AKAP6: variants seen among roughly 807,000 people sequenced by gnomAD.
AKAP6 encodes A-kinase anchoring protein 6.
In AKAP6, 58 loss-of-function variants were observed where a neutral mutation model predicts 188.5. The ratio of observed to expected loss-of-function variants is 0.31; its 90% confidence interval spans 0.25 to 0.38. AKAP6 has a LOEUF of 0.38. AKAP6 is among the 10% of genes least tolerant of loss of function. AKAP6 has a pLI of 1.00. For synonymous variants in AKAP6, 989 were observed against 998.6 expected (o/e 0.99, Z 0.18); for missense variants, 2,710 against 2,740.0 (o/e 0.99, Z 0.24).
chr14:32,566,400 G>A (rs1166096278), intron 4 of AKAP6, among the ~76,000 whole-genome samples: 3 of 151,962 alleles, frequency 2.0e-5, no homozygotes, highest in Non-Finnish European at 4.4e-5. Context: ...GCTCAAAGAA[G>A]CAAAAACTTT....
chr14:32,376,750 G>A (rs970025481), intron 1 of AKAP6, among the ~76,000 whole-genome samples: 4 of 152,132 alleles, frequency 2.6e-5, no homozygotes, highest in Non-Finnish European at 4.4e-5. Context: ...AGGCTGGAGT[G>A]CAGTGGCGCC....
chr14:32,398,439 A>T (rs563754078), intron 1 of AKAP6, among the ~76,000 whole-genome samples: 2 of 152,316 alleles, frequency 1.3e-5, no homozygotes, highest in South Asian at 4.1e-4. Flanking sequence ...TGATTCATAC[A>T]TGCTGGAAAT....
chr14:32,587,366 G>A (rs1885297977), intron 5 of AKAP6, among the ~76,000 whole-genome samples: 1 of 152,150 alleles, frequency 6.6e-6, no homozygotes, highest in Non-Finnish European at 1.5e-5. Context: ...AGGAATCAAA[G>A]GTTAGGCAGA....
intron 1 of AKAP6, among the ~76,000 whole-genome samples, chr14:32,343,369 C>T (rs1416770760): frequency 6.6e-6 from 1 of 151,932 alleles, no homozygotes; most frequent in Admixed American, 6.6e-5. Flanking sequence ...GGTGGTCAGC[C>T]TGCCTTGCCC....
chr14:32,600,874 C>A, intron 7 of AKAP6, 82 bp downstream of exon 7: 1 of 1,353,734 alleles, frequency 7.4e-7, no homozygotes, highest in Non-Finnish European at 9.9e-7. Flanking sequence ...TCTTTCCAAC[C>A]CTAAGGCTTT....
intron 2 of AKAP6, 146 bp downstream of exon 2, chr14:32,433,963 C>A (rs2138709775): frequency 1.4e-6 from 1 of 708,778 alleles, no homozygotes. Flanking sequence ...TAGAGATAAA[C>A]ATGGAAATAA....
At chr14:32,825,609 AGAT>A (rs752090801) in intron 13 of AKAP6, among the ~76,000 whole-genome samples, 3 of 152,196 alleles carry the variant, frequency 2.0e-5, no homozygotes, top group Non-Finnish European at 2.9e-5. Flanking sequence ...GATAATTCCA[AGAT>A]GATGATATGT....
chr14:32,648,293 A>G (rs1888066664), intron 7 of AKAP6, among the ~76,000 whole-genome samples: 1 of 152,112 alleles, frequency 6.6e-6, no homozygotes, highest in Non-Finnish European at 1.5e-5. Flanking sequence ...TTCTGTTTCT[A>G]TTGGTTGTCT....
At chr14:32,380,317 TGTA>T (rs1212527705) in intron 1 of AKAP6, among the ~76,000 whole-genome samples, 1 of 152,172 alleles carries the variant, frequency 6.6e-6, no homozygotes, top group Non-Finnish European at 1.5e-5. Context: ...TTTCCTTACT[TGTA>T]GTACATGATC....
intron 2 of AKAP6, among the ~76,000 whole-genome samples, chr14:32,535,074 G>A (rs1215929164): frequency 1.3e-5 from 2 of 150,658 alleles, no homozygotes; most frequent in Non-Finnish European, 2.9e-5. Context: ...CAAATACCCC[G>A]TAGTTCATTG....
At chr14:32,437,880 G>A (rs1957014) in intron 2 of AKAP6, among the ~76,000 whole-genome samples, 34,792 of 152,088 alleles carry the variant, frequency 0.23, 5,050 homozygotes, top group Middle Eastern at 0.33. Flanking sequence ...CATTACAGGC[G>A]TGGCCTTTAT....
At chr14:32,338,227 T>C (rs1252026113) in intron 1 of AKAP6, among the ~76,000 whole-genome samples, 1 of 152,202 alleles carries the variant, frequency 6.6e-6, no homozygotes, top group African/African-American at 2.4e-5. Flanking sequence ...TTTGGTATGA[T>C]GTTTTTCTCT....
At chr14:32,628,216 G>C (rs1887106316) in intron 7 of AKAP6, 1 of 152,088 alleles carries the variant, frequency 6.6e-6, no homozygotes, top group Non-Finnish European at 1.5e-5. Flanking sequence ...CAGTTATCTG[G>C]TGGTAATGAC....
chr14:32,779,046 G>C (rs11625576), intron 12 of AKAP6, among the ~76,000 whole-genome samples: 148,774 of 152,132 alleles, frequency 0.98, 72,832 homozygotes, highest in East Asian at 1. Context: ...AATTAAAAAG[G>C]AACAATGATC....
intron 11 of AKAP6, among the ~76,000 whole-genome samples, chr14:32,759,545 TAAAG>T (rs1467198916): frequency 6.6e-6 from 1 of 152,164 alleles, no homozygotes; most frequent in East Asian, 1.9e-4. Flanking sequence ...TGCATTGCTA[TAAAG>T]AGATACCTGA....
At chr14:32,686,376 GA>G (rs1195564319) in intron 8 of AKAP6, among the ~76,000 whole-genome samples, 1 of 152,136 alleles carries the variant, frequency 6.6e-6, no homozygotes, top group Non-Finnish European at 1.5e-5. Flanking sequence ...CCTAGCGCTT[GA>G]TAGCACAACA....
intron 2 of AKAP6, among the ~76,000 whole-genome samples, chr14:32,529,155 A>C (rs1882280172): frequency 6.6e-6 from 1 of 152,126 alleles, no homozygotes; most frequent in African/African-American, 2.4e-5. Context: ...CTTTCATCAG[A>C]GTTTGCAGTT....
chr14:32,528,753 C>T (rs1882257833), intron 2 of AKAP6, among the ~76,000 whole-genome samples: 1 of 152,146 alleles, frequency 6.6e-6, no homozygotes, highest in South Asian at 2.1e-4. Context: ...TCTCGGCTCA[C>T]TGCAACCTCT....
At chr14:32,511,086 C>G (rs907493415) in intron 2 of AKAP6, among the ~76,000 whole-genome samples, 2 of 152,178 alleles carry the variant, frequency 1.3e-5, no homozygotes, top group Non-Finnish European at 2.9e-5. Flanking sequence ...AGTGAATGGA[C>G]AAGCAACACG....
Sources: gnomAD v4.1 joint callset for allele counts (sites outside exome capture counted in the v4.1 genomes callset) on GRCh38, gnomAD v4.1.1 for gene constraint, MANE v1.5 for transcripts, NCBI Gene and HGNC (gene_info 2026-07-23, HGNC 2026-07-21) for gene names.